ATP11A: variants seen among roughly 807,000 people sequenced by gnomAD.
ATP11A encodes phospholipid-transporting ATPase IH.
A neutral mutation model predicts 154.4 loss-of-function variants in ATP11A; 81 were observed. The observed-to-expected ratio is 0.52, with a 90% CI of 0.44 to 0.63. ATP11A has a LOEUF of 0.63. ATP11A is among the 30% of genes least tolerant of loss of function. The pLI is 0.00. For synonymous variants in ATP11A, 623 were observed against 585.9 expected (o/e 1.06, Z -0.91); for missense variants, 1,316 against 1,474.3 (o/e 0.89, Z 1.76).
chr13:112,816,207 A>G lies in ATP11A; in HGVS notation c.566A>G (p.His189Arg), dbSNP rs922444414. Residue 189 changes from histidine (H) to arginine (R), a missense_variant, in exon 6 of 30, where the codon CAT becomes CGT. By Grantham distance (29) the His-to-Arg change is conservative (BLOSUM62 0). Transcript: ENST00000375645. ...GCCAGCTTGGATGGAGAATCCAGCC[A>G]TAAAGTAAGGGGCCTTTTCATTAGA... ...TTASLDGESS[H>R]KTHYAVQDTK... 4.3e-6 allele frequency: 7 copies of G among 1,614,158 alleles called. No individual in the cohort carries two copies. The highest frequency in any genetic ancestry group is 5.9e-6 in the Non-Finnish European group (7 of 1,180,020).
In ATP11A at chr13:112,854,513, C is replaced by G; in HGVS notation, c.2226C>G (p.Thr742=). Residue 742 remains threonine, a synonymous_variant, in exon 19 of 30, where the codon ACC becomes ACG. Coordinates refer to ENST00000375645, the MANE Select transcript of ATP11A (RefSeq NM_015205.3). ...KTVLRHSGSL[T]RDNLSGLSAD... is the part of the protein sequence containing the mutation. ...TCCTGCGCCACAGCGGGAGCCTGAC[C>G]AGAGACAACCTGTCCGGGTAGGCAG... The G allele has an allele frequency of 1.2e-6, 2 of 1,610,574 alleles. No individual in the cohort carries two copies. Among genetic ancestry groups the G allele is most frequent in the Non-Finnish European group, 1.7e-6 (2 of 1,179,782 alleles).
chr13:112,761,297 G>A lies in ATP11A; in HGVS notation c.40-23838G>A, dbSNP rs374793026. On this transcript the variant is annotated intron_variant, in intron 1 of 29. Transcript: ENST00000375645. ...CTTTAAGTGAAAAGTGAAAGTTCTCGACTTAATAAGGAAAAAGAAAATGGT... is the reference window on the plus strand; with the variant it reads ...CTTTAAGTGAAAAGTGAAAGTTCTCAACTTAATAAGGAAAAAGAAAATGGT... Among the ~76,000 whole-genome samples the A allele has an allele frequency of 1.4e-4, 21 of 152,238 alleles. 1 individual carries two copies. Among genetic ancestry groups the A allele is most frequent in the South Asian group, 1.2e-3 (6 of 4,816 alleles).
intron 1 of ATP11A, among the ~76,000 whole-genome samples, chr13:112,722,487 A>G (rs886410610): frequency 1.3e-5 from 2 of 152,062 alleles, no homozygotes; most frequent in African/African-American, 4.8e-5. Context: ...TAGATTGTAA[A>G]TGTTTCTCAG....
intron 20 of ATP11A, 69 bp from the exon 21 acceptor site, chr13:112,857,748 GC>G (rs1315448286): frequency 8.1e-7 from 1 of 1,233,344 alleles, no homozygotes; most frequent in Non-Finnish European, 1.2e-6. Flanking sequence ...TGTTATTTCT[GC>G]CTAGTGAATG....
At chr13:112,784,317 G>A (rs1471337113) in intron 1 of ATP11A, among the ~76,000 whole-genome samples, 5 of 152,258 alleles carry the variant, frequency 3.3e-5, no homozygotes, top group Admixed American at 2.0e-4. Context: ...TATTCACACC[G>A]CGGGCATGTC....
In ATP11A at chr13:112,726,437, G is replaced by A. The variant is rs77034520; in HGVS notation, c.39+35982G>A. On this transcript the variant is annotated intron_variant, in intron 1 of 29. Coordinates refer to ENST00000375645, the MANE Select transcript of ATP11A (RefSeq NM_015205.3). ...CCATCTGTGTGCAGGGAGAATGGCC[G>A]GGGGCAGTTGATAGGTGCTGGGGGA... Among the ~76,000 whole-genome samples, 606 of 152,324 alleles carry A rather than the reference G, an allele frequency of 4.0e-3. 4 individuals are homozygous for A. Among genetic ancestry groups the A allele is most frequent in the African/African-American group, 0.014 (567 of 41,576 alleles).
In ATP11A at chr13:112,753,733, A is replaced by G. The variant is rs1466969835; in HGVS notation, c.40-31402A>G. 6.6e-6 allele frequency among the ~76,000 whole-genome samples: 1 copy of G among 151,560 alleles called. No homozygotes were observed. The highest frequency in any genetic ancestry group is 1.5e-5 in the Non-Finnish European group (1 of 67,976). ...CTGATTCCTGACATATTTATTATTA[A>G]TAATAATGGAGCAATAAAGTGAGTC... On this transcript the variant is annotated intron_variant, in intron 1 of 29. Transcript: ENST00000375645. The surrounding 1 kb of genome is among the most constrained non-coding windows in gnomAD (Gnocchi z 4.1).
At chr13:112,775,727 A>G (rs79156708) in intron 1 of ATP11A, among the ~76,000 whole-genome samples, 3,019 of 151,930 alleles carry the variant, frequency 0.02, 104 homozygotes, top group African/African-American at 0.066. Flanking sequence ...CCCCGCCTGT[A>G]AGTGGGTGTA....
At chr13:112,868,698 C>A (rs901176197) in intron 25 of ATP11A, among the ~76,000 whole-genome samples, 4 of 152,182 alleles carry the variant, frequency 2.6e-5, no homozygotes, top group African/African-American at 9.7e-5. Context: ...GAAATAACGA[C>A]CAGCAATTGT....
At chr13:112,749,117 C>T (rs773536883) in intron 1 of ATP11A, among the ~76,000 whole-genome samples, 1 of 152,216 alleles carries the variant, frequency 6.6e-6, no homozygotes, top group Admixed American at 6.5e-5. Context: ...GCCTCCCTGG[C>T]GTGCCACAGC....
rs183380708 is a variant in ATP11A, at chr13:112,872,581, A to T, written c.3057+781A>T. ...AGCCAAGATCGCACCACTGCACTCC[A>T]GCCTGGGCGACAGAGCGAGACTGTC... is the stretch of plus-strand genomic sequence containing the variant. On this transcript the variant is annotated intron_variant, in intron 26 of 29. Transcript: ENST00000375645. Among the ~76,000 whole-genome samples, 220 of 152,384 alleles carry T rather than the reference A, an allele frequency of 1.4e-3. 1 individual carries two copies. Among genetic ancestry groups the T allele is most frequent in the African/African-American group, 5.1e-3 (212 of 41,596 alleles).
At chr13:112,775,220 T>C (rs766481524) in intron 1 of ATP11A, among the ~76,000 whole-genome samples, 1 of 152,270 alleles carries the variant, frequency 6.6e-6, no homozygotes, top group Non-Finnish European at 1.5e-5. Context: ...CAGGTGTTTC[T>C]TCTTCCAGTG....
chr13:112,742,642 C>T (rs149619781), intron 1 of ATP11A, among the ~76,000 whole-genome samples: 17 of 152,372 alleles, frequency 1.1e-4, no homozygotes, highest in African/African-American at 2.9e-4. Context: ...AGCGCAACAT[C>T]GGCTTCCTGA....
At chr13:112,881,508 G>T (rs913786491) in intron 29 of ATP11A, 1 of 1,118,190 alleles carries the variant, frequency 8.9e-7, no homozygotes, top group South Asian at 2.2e-5. Context: ...TAGGTTTCCC[G>T]TCCATGGCCT....
At chr13:112,707,898 C>T (rs1478544058) in intron 1 of ATP11A, among the ~76,000 whole-genome samples, 4 of 152,160 alleles carry the variant, frequency 2.6e-5, no homozygotes, top group African/African-American at 4.8e-5. Context: ...TGATCCACCA[C>T]AACTTTCTGA....
At chr13:112,800,573 A>G (rs74922730) in intron 2 of ATP11A, among the ~76,000 whole-genome samples, 1 of 143,220 alleles carries the variant, frequency 7.0e-6, no homozygotes, top group South Asian at 2.2e-4. Flanking sequence ...ACATTTAAGG[A>G]AAAAAAAAAA....
intron 1 of ATP11A, among the ~76,000 whole-genome samples, chr13:112,721,038 G>A (rs1889116043): frequency 6.6e-6 from 1 of 152,174 alleles, no homozygotes; most frequent in Non-Finnish European, 1.5e-5. Context: ...GCCACAGTCC[G>A]CAGCCTCCAG....
At chr13:112,778,509 G>T (rs554247401) in intron 1 of ATP11A, among the ~76,000 whole-genome samples, 33 of 152,286 alleles carry the variant, frequency 2.2e-4, no homozygotes, top group Non-Finnish European at 3.8e-4. Context: ...TGCACAGGGA[G>T]CATTGCTTGA....
intron 4 of ATP11A, among the ~76,000 whole-genome samples, chr13:112,808,724 C>T (rs111268667): frequency 3.3e-4 from 50 of 152,316 alleles, no homozygotes; most frequent in African/African-American, 1.0e-3. Flanking sequence ...CCGCTGTCTC[C>T]GCTGGGCACT....
Sources: allele counts gnomAD v4.1 joint callset (sites outside exome capture counted in the v4.1 genomes callset), GRCh38; gene constraint gnomAD v4.1.1; non-coding constraint Gnocchi (gnomAD v3.1); transcripts MANE v1.5; gene names NCBI Gene and HGNC (gene_info 2026-07-23, HGNC 2026-07-21).